Variants in ADGRL3 observed in about 807,000 individuals in gnomAD.
ADGRL3 encodes calcium-independent alpha-latrotoxin receptor 3.
In ADGRL3, 62 loss-of-function variants were observed where a neutral mutation model predicts 153.5. That is an observed-to-expected ratio of 0.40 (90% CI 0.33 to 0.50). ADGRL3 has a LOEUF of 0.50. Ranked by LOEUF, ADGRL3 falls within the 20% of genes least tolerant of loss-of-function variation. The pLI, the probability that ADGRL3 is intolerant of heterozygous loss-of-function variation, is 0.47. For synonymous variants in ADGRL3, 710 were observed against 672.5 expected (o/e 1.06, Z -0.86); for missense variants, 1,641 against 1,859.4 (o/e 0.88, Z 2.16).
intron 11 of ADGRL3, among the ~76,000 whole-genome samples, chr4:61,904,683 AAAAAAG>A (rs1468784192): frequency 2.6e-5 from 4 of 152,148 alleles, no homozygotes; most frequent in Non-Finnish European, 5.9e-5. Flanking sequence ...CACAGAAAAA[AAAAAAG>A]AAATGGAATT....
chr4:61,255,004 T>A (rs900790551), intron 1 of ADGRL3, among the ~76,000 whole-genome samples: 1 of 152,192 alleles, frequency 6.6e-6, no homozygotes, highest in African/African-American at 2.4e-5. Context: ...TGTACTTTTT[T>A]CATCACTGAA....
chr4:61,305,362 C>T (rs963859483), intron 1 of ADGRL3, among the ~76,000 whole-genome samples: 3 of 152,022 alleles, frequency 2.0e-5, no homozygotes, highest in African/African-American at 7.2e-5. Flanking sequence ...CATCTTGTAC[C>T]TCTTCCAAAA....
intron 8 of ADGRL3, among the ~76,000 whole-genome samples, chr4:61,764,508 T>A (rs892285811): frequency 1.3e-5 from 2 of 151,192 alleles, no homozygotes; most frequent in Non-Finnish European, 2.9e-5. Context: ...AAAAGGACTT[T>A]CACAAGGTAA....
chr4:61,949,360 T>C (rs1021770957), intron 17 of ADGRL3, among the ~76,000 whole-genome samples: 3 of 152,186 alleles, frequency 2.0e-5, no homozygotes, highest in African/African-American at 4.8e-5. Flanking sequence ...ATACTTTTTT[T>C]CTGAATATTG....
At chr4:61,927,641 T>A (rs2098800033) in intron 13 of ADGRL3, among the ~76,000 whole-genome samples, 1 of 152,140 alleles carries the variant, frequency 6.6e-6, no homozygotes, top group Admixed American at 6.5e-5. Flanking sequence ...GTCACTCAAC[T>A]TGACTTGTAA....
intron 2 of ADGRL3, among the ~76,000 whole-genome samples, chr4:61,401,882 T>C (rs1362049129): frequency 6.6e-6 from 1 of 152,030 alleles, no homozygotes; most frequent in Non-Finnish European, 1.5e-5. Context: ...TTATAGACCA[T>C]TAATCTGTTG....
At chr4:61,839,826 T>C (rs1317962229) in intron 9 of ADGRL3, among the ~76,000 whole-genome samples, 1 of 151,714 alleles carries the variant, frequency 6.6e-6, no homozygotes, top group Non-Finnish European at 1.5e-5. Flanking sequence ...TGTGCATAAC[T>C]GCAGTCCCAG....
At chr4:62,006,751 GA>G (rs1385968423) in intron 21 of ADGRL3, among the ~76,000 whole-genome samples, 3 of 151,578 alleles carry the variant, frequency 2.0e-5, no homozygotes, top group Non-Finnish European at 2.9e-5. Flanking sequence ...GAGATGATTT[GA>G]AAAAAATACA....
chr4:61,218,590 A>G (rs1230440502), intron 1 of ADGRL3, among the ~76,000 whole-genome samples: 1 of 152,126 alleles, frequency 6.6e-6, no homozygotes, highest in African/African-American at 2.4e-5. Flanking sequence ...TGGCCTCCCA[A>G]AGTGCTGGTG....
At chr4:61,289,349 C>A (rs1164091983) in intron 1 of ADGRL3, among the ~76,000 whole-genome samples, 1 of 151,940 alleles carries the variant, frequency 6.6e-6, no homozygotes, top group Non-Finnish European at 1.5e-5. Context: ...CCTTTTCTTA[C>A]TTTGTATCTG....
chr4:61,919,559 T>C (rs1482389296), intron 13 of ADGRL3, among the ~76,000 whole-genome samples: 1 of 152,202 alleles, frequency 6.6e-6, no homozygotes, highest in Non-Finnish European at 1.5e-5. Flanking sequence ...AGAATTCCTT[T>C]CTATAAGTTG....
chr4:62,001,303 A>G (rs536234818), intron 21 of ADGRL3, among the ~76,000 whole-genome samples: 1 of 152,244 alleles, frequency 6.6e-6, no homozygotes, highest in South Asian at 2.1e-4. Context: ...ACACAGGAGG[A>G]TCCGTTTCCA....
intron 2 of ADGRL3, among the ~76,000 whole-genome samples, chr4:61,429,597 T>C (rs997632504): frequency 2.0e-5 from 3 of 152,144 alleles, no homozygotes; most frequent in Admixed American, 2.0e-4. Context: ...ATTCCTTTTC[T>C]CTTTGAATAT....
intron 25 of ADGRL3, among the ~76,000 whole-genome samples, chr4:62,051,627 AAC>A (rs1187106843): frequency 7.2e-5 from 11 of 151,756 alleles, no homozygotes; most frequent in African/African-American, 2.4e-4. Flanking sequence ...AACAATAATA[AAC>A]AGTTTGTATT....
At chr4:61,528,087 C>T (rs559811344) in intron 4 of ADGRL3, among the ~76,000 whole-genome samples, 30 of 152,266 alleles carry the variant, frequency 2.0e-4, no homozygotes, top group Non-Finnish European at 3.7e-4. Flanking sequence ...GCTGTCCAAT[C>T]ATGACTCACT....
At chr4:61,499,987 G>GAC (rs34740052) in intron 3 of ADGRL3, among the ~76,000 whole-genome samples, 3,444 of 138,860 alleles carry the variant, frequency 0.025, 48 homozygotes, top group African/African-American at 0.035. Flanking sequence ...CACACACACA[G>GAC]ACACACACAC....
intron 25 of ADGRL3, among the ~76,000 whole-genome samples, chr4:62,052,675 T>C (rs1419971790): frequency 6.6e-6 from 1 of 151,332 alleles, no homozygotes; most frequent in Non-Finnish European, 1.5e-5. Context: ...TATTTTAATT[T>C]AAAATTTTTA....
intron 9 of ADGRL3, among the ~76,000 whole-genome samples, chr4:61,851,901 A>G (rs1342011317): frequency 1.3e-5 from 2 of 152,190 alleles, no homozygotes; most frequent in Non-Finnish European, 1.5e-5. Flanking sequence ...GTTTTGCCAC[A>G]CACCTAGAGA....
chr4:61,793,474 G>T (rs1002408634), intron 8 of ADGRL3, among the ~76,000 whole-genome samples: 17 of 151,956 alleles, frequency 1.1e-4, no homozygotes, highest in Non-Finnish European at 2.2e-4. Flanking sequence ...TCACTATCAC[G>T]AGAACAGCAC....
Sources: allele counts gnomAD v4.1 joint callset (sites outside exome capture counted in the v4.1 genomes callset), GRCh38; gene constraint gnomAD v4.1.1; transcripts MANE v1.5; gene names NCBI Gene and HGNC (gene_info 2026-07-23, HGNC 2026-07-21).